CACNA2D3: variants seen among roughly 807,000 people sequenced by gnomAD.
CACNA2D3 encodes the protein calcium voltage-gated channel auxiliary subunit alpha2delta 3.
A neutral mutation model predicts 160.6 loss-of-function variants in CACNA2D3; 60 were observed. The ratio of observed to expected loss-of-function variants is 0.37; its 90% CI spans 0.30 to 0.46. The LOEUF (loss-of-function observed/expected upper bound fraction) is 0.46. Among genes scored for constraint, CACNA2D3 ranks in the 20% least tolerant of loss-of-function variants. The pLI, the probability that CACNA2D3 is intolerant of heterozygous loss-of-function variation, is 1.00. For synonymous variants in CACNA2D3, 558 were observed against 492.9 expected (o/e 1.13, Z -1.75); for missense variants, 1,205 against 1,365.0 (o/e 0.88, Z 1.85).
intron 35 of CACNA2D3, among the ~76,000 whole-genome samples, chr3:55,068,540 T>A (rs1333602470): frequency 6.6e-6 from 1 of 152,214 alleles, no homozygotes; most frequent in African/African-American, 2.4e-5. Context: ...ATCTCATTTA[T>A]TTTTCTTGTT....
rs140262321 is a variant in CACNA2D3, at chr3:54,806,105, G to A, written c.1381-10748G>A. On this transcript the variant is annotated intron_variant, in intron 13 of 37. Coordinates refer to ENST00000474759, the MANE Select transcript of CACNA2D3 (RefSeq NM_018398.3). ...ACCCACAGCCAATATCATACTGAAT[G>A]GGCAAAAACTGGAAGCGTTCCCTTT... 9.8e-3 allele frequency among the ~76,000 whole-genome samples: 1,493 copies of A among 152,254 alleles called. 19 individuals carry two copies. Among genetic ancestry groups the A allele is most frequent in the African/African-American group, 0.033 (1,373 of 41,530 alleles).
intron 27 of CACNA2D3, among the ~76,000 whole-genome samples, chr3:54,963,005 A>G (rs1198337238): frequency 6.6e-6 from 1 of 152,220 alleles, no homozygotes; most frequent in African/African-American, 2.4e-5. Flanking sequence ...TTACACTTGA[A>G]TGCATGTCTA....
At chr3:54,898,273 A>G (rs1700245076) in intron 26 of CACNA2D3, among the ~76,000 whole-genome samples, 2 of 135,372 alleles carry the variant, frequency 1.5e-5, no homozygotes, top group Non-Finnish European at 1.5e-5. Context: ...CCCAGGTTGG[A>G]GTGCAGTGGC....
intron 17 of CACNA2D3, among the ~76,000 whole-genome samples, chr3:54,851,541 C>CA (rs1183608697): frequency 6.6e-6 from 1 of 152,118 alleles, no homozygotes; most frequent in East Asian, 1.9e-4. Context: ...AAATGGGAGG[C>CA]AGAGTGGTTG....
At chr3:54,282,899 C>A (rs1702915584) in intron 2 of CACNA2D3, among the ~76,000 whole-genome samples, 1 of 151,646 alleles carries the variant, frequency 6.6e-6, no homozygotes. Context: ...GAATCACAAA[C>A]CCTATCATAG....
In CACNA2D3 at chr3:54,752,453, T is replaced by C. The variant is rs557677516; in HGVS notation, c.1168-146T>C. The C allele has an allele frequency of 3.9e-5, 24 of 620,534 alleles. No individual in the cohort carries two copies. In the South Asian group the frequency reaches 4.8e-4, roughly 12 times the overall value. The allele number at this position is 620,534 out of a possible 1,614,324, so 38.4% of individuals were successfully genotyped here. On this transcript the variant is annotated intron_variant, in intron 11 of 37. Transcript: ENST00000474759. ...TTTTGAGTACATTTCTAGCTGACTA[T>C]ACTTCAGATGTCTTAAATATGTTCC...
chr3:54,879,837 C>A (rs1219210378), intron 20 of CACNA2D3, among the ~76,000 whole-genome samples: 1 of 152,210 alleles, frequency 6.6e-6, no homozygotes, highest in Non-Finnish European at 1.5e-5. Context: ...GTTTCCATTT[C>A]TCTGAACTGT....
Position 54,878,059 on chromosome 3 carries a change from T to C in CACNA2D3, c.1711-959T>C, listed in dbSNP as rs147766317. On this transcript the variant is annotated intron_variant, in intron 18 of 37. Coordinates refer to ENST00000474759, the MANE Select transcript of CACNA2D3 (RefSeq NM_018398.3). Reference sequence around the variant, plus strand: ...CTCCAGCTAAAAATTATGCCTTTACTCACTCACACAGAAGATGAGAATGCA... The same window carrying C: ...CTCCAGCTAAAAATTATGCCTTTACCCACTCACACAGAAGATGAGAATGCA... Among the ~76,000 whole-genome samples, 518 of 152,330 alleles carry C rather than the reference T, an allele frequency of 3.4e-3. 5 individuals carry two copies. Among genetic ancestry groups the C allele is most frequent in the Non-Finnish European group, 6.2e-3 (424 of 68,026 alleles).
At chr3:54,236,093 C>T (rs192875190) in intron 2 of CACNA2D3, among the ~76,000 whole-genome samples, 12 of 152,306 alleles carry the variant, frequency 7.9e-5, no homozygotes, top group Admixed American at 2.0e-4. Context: ...AACCATCAGA[C>T]GATTCCCATT....
chr3:54,517,306 C>T (rs750107810), intron 5 of CACNA2D3, among the ~76,000 whole-genome samples: 13 of 152,230 alleles, frequency 8.5e-5, no homozygotes, highest in Admixed American at 3.3e-4. Context: ...TTCTTGGATC[C>T]GCCTGGTCAA....
At chr3:54,968,086 T>C (rs1466680781) in intron 27 of CACNA2D3, among the ~76,000 whole-genome samples, 1 of 152,138 alleles carries the variant, frequency 6.6e-6, no homozygotes, top group African/African-American at 2.4e-5. Flanking sequence ...CAGTAATAGC[T>C]GACAGGAACT....
intron 2 of CACNA2D3, among the ~76,000 whole-genome samples, chr3:54,297,277 C>T (rs752616698): frequency 1.2e-4 from 18 of 152,104 alleles, no homozygotes; most frequent in Non-Finnish European, 2.2e-4. Flanking sequence ...TTTGTTTTTA[C>T]GTGAAGGGCT....
At chr3:54,708,596 A>G (rs1336982136) in intron 11 of CACNA2D3, among the ~76,000 whole-genome samples, 1 of 152,204 alleles carries the variant, frequency 6.6e-6, no homozygotes, top group South Asian at 2.1e-4. Context: ...CCTTGGCCCA[A>G]GTATGCAGGA....
intron 31 of CACNA2D3, among the ~76,000 whole-genome samples, chr3:54,994,980 T>A (rs1702824402): frequency 6.6e-6 from 1 of 151,966 alleles, no homozygotes; most frequent in Non-Finnish European, 1.5e-5. Context: ...TTTATTTATT[T>A]ATTTTTTCTT....
At chr3:54,711,643 C>T (rs1356989720) in intron 11 of CACNA2D3, among the ~76,000 whole-genome samples, 5 of 152,198 alleles carry the variant, frequency 3.3e-5, no homozygotes, top group Non-Finnish European at 7.3e-5. Context: ...ATAGACCAAT[C>T]GTGATTCCAC....
intron 11 of CACNA2D3, among the ~76,000 whole-genome samples, chr3:54,676,299 A>G (rs1411438782): frequency 6.6e-6 from 1 of 152,210 alleles, no homozygotes; most frequent in African/African-American, 2.4e-5. Flanking sequence ...CTCTTTACAT[A>G]TAAACAGAGA....
chr3:54,274,119 A>G (rs1294957888), intron 2 of CACNA2D3, among the ~76,000 whole-genome samples: 1 of 152,054 alleles, frequency 6.6e-6, no homozygotes. Flanking sequence ...CATTTACCCC[A>G]TTCCTTAAAA....
intron 27 of CACNA2D3, among the ~76,000 whole-genome samples, chr3:54,900,916 C>T (rs1340991604): frequency 6.6e-6 from 1 of 152,104 alleles, no homozygotes; most frequent in African/African-American, 2.4e-5. Context: ...GGGGTAGTTG[C>T]CCTGGTTATT....
intron 11 of CACNA2D3, among the ~76,000 whole-genome samples, chr3:54,719,090 G>A (rs1191317625): frequency 6.7e-6 from 1 of 150,132 alleles, no homozygotes; most frequent in Non-Finnish European, 1.5e-5. Flanking sequence ...TGTTTGAATA[G>A]TGTCTGCTAT....
Sources: gnomAD v4.1 joint callset for allele counts (sites outside exome capture counted in the v4.1 genomes callset) on GRCh38, gnomAD v4.1.1 for gene constraint, MANE v1.5 for transcripts, NCBI Gene and HGNC (gene_info 2026-07-23, HGNC 2026-07-21) for gene names.